Variants in LRRC20 observed in about 807,000 individuals in gnomAD.
LRRC20 encodes the protein leucine rich repeat containing 20.
LRRC20 carries 11 observed loss-of-function variants against 14.4 expected under a neutral mutation model. The observed-to-expected ratio is 0.77, with a 90% CI of 0.48 to 1.27. LRRC20 has a LOEUF of 1.27. Ranked by LOEUF, LRRC20 falls within the 50% of genes most tolerant of loss-of-function variation. The pLI is 0.00. For missense variants in LRRC20, 219 were observed against 251.2 expected (o/e 0.87, Z 0.87); for synonymous variants, 121 against 107.3 (o/e 1.13, Z -0.79).
At chr10:70,325,987 A>T (rs527880417) in intron 3 of LRRC20, among the ~76,000 whole-genome samples, 1 of 152,364 alleles carries the variant, frequency 6.6e-6, no homozygotes. Flanking sequence ...GGTAAAATTC[A>T]TGCTCAATTT....
chr10:70,376,708 G>A, intron 1 of LRRC20, 112 bp from the exon 2 acceptor site: 1 of 622,876 alleles, frequency 1.6e-6, no homozygotes, highest in East Asian at 2.8e-5. Flanking sequence ...AAGCCTGCAG[G>A]GAGGGCCCCA....
At chr10:70,307,267 A>G (rs989362752) in intron 4 of LRRC20, among the ~76,000 whole-genome samples, 1 of 152,168 alleles carries the variant, frequency 6.6e-6, no homozygotes, top group Non-Finnish European at 1.5e-5. Context: ...ACCACACTGT[A>G]CCTCTCTACT....
intron 2 of LRRC20, among the ~76,000 whole-genome samples, chr10:70,362,717 G>A (rs1303277409): frequency 6.9e-6 from 1 of 145,164 alleles, no homozygotes; most frequent in Admixed American, 7.2e-5. Context: ...TCCCAGAGCA[G>A]CGTGCCTCAA....
At chr10:70,330,232 G>GGATTTCTTCTTC (rs1842485496) in intron 3 of LRRC20, among the ~76,000 whole-genome samples, 3 of 151,374 alleles carry the variant, frequency 2.0e-5, no homozygotes, top group Non-Finnish European at 4.4e-5. Context: ...CAATCACCTG[G>GGATTTCTTCTTC]GCTTGGAGAT....
chr10:70,377,766 G>A (rs933539114), intron 1 of LRRC20, among the ~76,000 whole-genome samples: 2 of 152,220 alleles, frequency 1.3e-5, no homozygotes, highest in African/African-American at 4.8e-5. Flanking sequence ...GGCAGGCAAG[G>A]CCAAGCCAGG....
intron 2 of LRRC20, among the ~76,000 whole-genome samples, chr10:70,354,541 G>A (rs1244428402): frequency 6.6e-6 from 1 of 152,174 alleles, no homozygotes; most frequent in African/African-American, 2.4e-5. Context: ...AAACTCTGGG[G>A]GTAAGGCCCA....
chr10:70,374,663 A>C (rs1844442010), intron 2 of LRRC20, among the ~76,000 whole-genome samples: 1 of 152,132 alleles, frequency 6.6e-6, no homozygotes, highest in Non-Finnish European at 1.5e-5. Context: ...ATTTTGAAGC[A>C]GGGGTAGGTT....
Position 70,323,954 on chromosome 10 carries a change from G to A in LRRC20, c.309C>T (p.Asp103=), listed in dbSNP as rs1842204536. The change falls in exon 4 of 5, where the codon GAC becomes GAT. Residue 103 remains aspartate (D), a synonymous_variant. Coordinates refer to ENST00000446961, the MANE Select transcript of LRRC20 (RefSeq NM_001278212.2). ...AGTCCTGGAACTGGTTCCGGGACAG[G>A]TCAATGGCCTTGAGGTGCTGCAGGG... ...VSALQHLKAI[D]LSRNQFQDFP... 5.6e-6 allele frequency: 9 copies of A among 1,614,108 alleles called. No individual in the cohort carries two copies. The highest frequency in any genetic ancestry group is 7.6e-6 in the Non-Finnish European group (9 of 1,180,058).
chr10:70,332,032 T>C (rs1842557057), intron 3 of LRRC20, among the ~76,000 whole-genome samples: 1 of 152,110 alleles, frequency 6.6e-6, no homozygotes, highest in Admixed American at 6.5e-5. Context: ...ATGTGCCAAC[T>C]CCAAAAATAC....
chr10:70,340,168 C>G (rs917971682), intron 3 of LRRC20, among the ~76,000 whole-genome samples: 9 of 151,930 alleles, frequency 5.9e-5, no homozygotes, highest in African/African-American at 2.2e-4. Flanking sequence ...GCATCTGTCA[C>G]TCCTGAACTG....
intron 4 of LRRC20, among the ~76,000 whole-genome samples, chr10:70,312,362 G>A (rs1474366228): frequency 6.8e-6 from 1 of 146,076 alleles, no homozygotes; most frequent in East Asian, 1.9e-4. Flanking sequence ...GCAACAAGAA[G>A]GCTCCGGAGC....
intron 2 of LRRC20, among the ~76,000 whole-genome samples, chr10:70,345,195 A>C (rs1375522321): frequency 6.6e-6 from 1 of 152,214 alleles, no homozygotes; most frequent in Non-Finnish European, 1.5e-5. Flanking sequence ...TAGTCCAGAA[A>C]TAATGTCATA....
intron 2 of LRRC20, among the ~76,000 whole-genome samples, chr10:70,356,816 A>C (rs1397910108): frequency 6.6e-6 from 1 of 152,126 alleles, no homozygotes; most frequent in Non-Finnish European, 1.5e-5. Flanking sequence ...GCGCCACTGC[A>C]CTCCAGCCTG....
chr10:70,367,333 A>AAAAC (rs1213057061), intron 2 of LRRC20, among the ~76,000 whole-genome samples: 1 of 145,808 alleles, frequency 6.9e-6, no homozygotes, highest in Non-Finnish European at 1.5e-5. Context: ...GGTCTCAAAA[A>AAAAC]AAAAAAAAAA....
intron 1 of LRRC20, among the ~76,000 whole-genome samples, chr10:70,378,297 T>C (rs752297918): frequency 1.3e-5 from 2 of 152,158 alleles, no homozygotes; most frequent in African/African-American, 2.4e-5. Flanking sequence ...TGAGTTTCAG[T>C]AGCACTTAAT....
intron 2 of LRRC20, among the ~76,000 whole-genome samples, chr10:70,371,615 G>A (rs1844274233): frequency 2.0e-5 from 3 of 152,118 alleles, no homozygotes; most frequent in Non-Finnish European, 2.9e-5. Flanking sequence ...AGCGGTCCAG[G>A]ACCCACGGAA....
intron 4 of LRRC20, among the ~76,000 whole-genome samples, chr10:70,303,011 T>C (rs1236108266): frequency 6.8e-6 from 1 of 147,852 alleles, no homozygotes; most frequent in Non-Finnish European, 1.5e-5. Context: ...CGCCCGGCCC[T>C]CTATTTCTTA....
intron 2 of LRRC20, among the ~76,000 whole-genome samples, chr10:70,347,829 A>C (rs1039889222): frequency 8.6e-5 from 13 of 151,012 alleles, no homozygotes; most frequent in African/African-American, 3.2e-4. Context: ...AAAAAAAAAA[A>C]AAAACCCAAA....
intron 4 of LRRC20, among the ~76,000 whole-genome samples, chr10:70,304,005 A>C (rs1001710817): frequency 6.6e-6 from 1 of 152,122 alleles, no homozygotes; most frequent in Middle Eastern, 3.2e-3. Flanking sequence ...GGTTAATTTT[A>C]TGTTATGTGA....
Sources: allele counts gnomAD v4.1 joint callset (sites outside exome capture counted in the v4.1 genomes callset), GRCh38; gene constraint gnomAD v4.1.1; transcripts MANE v1.5; gene names NCBI Gene and HGNC (gene_info 2026-07-23, HGNC 2026-07-21).